ZC3H12B: variants seen among roughly 807,000 people sequenced by gnomAD.
The protein encoded by ZC3H12B is probable ribonuclease ZC3H12B.
In ZC3H12B, 7 loss-of-function variants were observed where a neutral mutation model predicts 43.9. The observed-to-expected ratio is 0.16, with a 90% CI of 0.09 to 0.30. The LOEUF is 0.30. Among genes scored for constraint, ZC3H12B ranks in the 10% least tolerant of loss-of-function variants. ZC3H12B has a pLI of 1.00. For missense variants in ZC3H12B, 475 were observed against 670.2 expected (o/e 0.71, Z 3.22); for synonymous variants, 222 against 241.7 (o/e 0.92, Z 0.76).
the ZC3H12B span, among the ~76,000 whole-genome samples, chrX:65,263,504 T>A: frequency 3.6e-5 from 4 of 111,108 alleles, no homozygotes; most frequent in South Asian, 1.5e-3. Flanking sequence ...CATGGTTACA[T>A]GAGAAATAGT....
chrX:65,380,844 A>T (rs868189580), intron 2 of ZC3H12B, among the ~76,000 whole-genome samples: 19 of 111,915 alleles, frequency 1.7e-4, no homozygotes, highest in Admixed American at 1.6e-3. Context: ...ACAAAGATCA[A>T]AAGAGACTAA....
At chrX:65,282,365 A>G in the ZC3H12B span, among the ~76,000 whole-genome samples, 1 of 112,133 alleles carries the variant, frequency 8.9e-6, no homozygotes, top group Non-Finnish European at 1.9e-5. Flanking sequence ...CTAAAATCAT[A>G]AAGATGGAAA....
the ZC3H12B span, among the ~76,000 whole-genome samples, chrX:65,300,169 G>A: frequency 8.9e-6 from 1 of 112,102 alleles, no homozygotes. Flanking sequence ...ATGGGGGAAG[G>A]GTGAATGGGG....
At chrX:65,243,965 G>T in the ZC3H12B span, among the ~76,000 whole-genome samples, 3 of 111,624 alleles carry the variant, frequency 2.7e-5, no homozygotes, top group African/African-American at 9.8e-5. Context: ...CCTACCATAG[G>T]CTGGAAATAG....
chrX:65,253,024 A>G, the ZC3H12B span, among the ~76,000 whole-genome samples: 1 of 112,418 alleles, frequency 8.9e-6, no homozygotes, highest in African/African-American at 3.2e-5. Context: ...TTTTTGTAGC[A>G]AGAAACTAAT....
chrX:65,385,288 A>G (rs1421445171), intron 2 of ZC3H12B, among the ~76,000 whole-genome samples: 2 of 111,876 alleles, frequency 1.8e-5, no homozygotes, highest in African/African-American at 6.5e-5. Flanking sequence ...TGAGCATGGA[A>G]TGTTCTTCCA....
chrX:65,392,047 G>A (rs2148032937), intron 2 of ZC3H12B, among the ~76,000 whole-genome samples: 1 of 111,763 alleles, frequency 8.9e-6, no homozygotes, highest in African/African-American at 3.2e-5. Flanking sequence ...GATTGCAGAT[G>A]GAGTCTCGCT....
chrX:65,075,195 T>G, the ZC3H12B span, among the ~76,000 whole-genome samples: 2 of 112,508 alleles, frequency 1.8e-5, no homozygotes, highest in African/African-American at 6.5e-5. Context: ...TTAAAGAGAT[T>G]TATTAGTTCA....
chrX:65,228,049 T>C, the ZC3H12B span, among the ~76,000 whole-genome samples: 15,871 of 111,134 alleles, frequency 0.14, 2,740 homozygotes, highest in African/African-American at 0.49. Flanking sequence ...CAGCATCATC[T>C]TGATACTAAA....
chrX:65,206,703 C>A, the ZC3H12B span, among the ~76,000 whole-genome samples: 3 of 111,484 alleles, frequency 2.7e-5, no homozygotes, highest in African/African-American at 9.8e-5. Context: ...GCAACAGAAA[C>A]AATCAGCAGA....
the ZC3H12B span, among the ~76,000 whole-genome samples, chrX:65,280,345 A>G: frequency 1.8e-5 from 2 of 112,514 alleles, no homozygotes; most frequent in East Asian, 2.8e-4. Flanking sequence ...GGTAAAATTC[A>G]TTATCACTTT....
At chrX:65,117,902 T>C in the ZC3H12B span, among the ~76,000 whole-genome samples, 3 of 111,220 alleles carry the variant, frequency 2.7e-5, no homozygotes, top group South Asian at 1.1e-3. Flanking sequence ...GGAGGGTGTG[T>C]TCTGTTCCAT....
intron 3 of ZC3H12B, among the ~76,000 whole-genome samples, chrX:65,441,578 C>A (rs2067301744): frequency 8.9e-6 from 1 of 112,180 alleles, no homozygotes; most frequent in Admixed American, 9.5e-5. Flanking sequence ...CCTGGCTCTG[C>A]TTTCCAGGAA....
chrX:65,456,775 G>A lies in ZC3H12B; in HGVS notation n.408-31871G>A, dbSNP rs1339818866. Among the ~76,000 whole-genome samples the A allele has an allele frequency of 5.8e-4, 63 of 109,095 alleles. 1 individual carries two copies. Among genetic ancestry groups the A allele is most frequent in the African/African-American group, 1.6e-3 (49 of 30,058 alleles). The allele number at this position is 109,095 out of a possible 115,157, so 94.7% of individuals were successfully genotyped here. On this transcript the variant is annotated intron_variant and non_coding_transcript_variant, in intron 3 of 5. Coordinates refer to the ZC3H12B transcript ENST00000617377. ...GGTGCCCAGGCTGGAGTGCAGTGGC[G>A]TGATCTCGGCTCGCTACAACCTCCA...
chrX:65,103,165 C>G, the ZC3H12B span, among the ~76,000 whole-genome samples: 1 of 111,273 alleles, frequency 9.0e-6, no homozygotes, highest in Non-Finnish European at 1.9e-5. Flanking sequence ...TATTTCGTCC[C>G]TTATCTGCAA....
At chrX:65,228,152 G>A in the ZC3H12B span, among the ~76,000 whole-genome samples, 35 of 111,554 alleles carry the variant, frequency 3.1e-4, no homozygotes, top group East Asian at 5.6e-3. Flanking sequence ...CTGGCAAACC[G>A]AATCCAGCAA....
chrX:65,135,701 T>A, the ZC3H12B span, among the ~76,000 whole-genome samples: 1 of 89,276 alleles, frequency 1.1e-5, no homozygotes, highest in Non-Finnish European at 2.0e-5. Context: ...TGGTTAGATA[T>A]TTTTTTTTTT....
the ZC3H12B span, among the ~76,000 whole-genome samples, chrX:65,228,335 A>C: frequency 2.7e-5 from 3 of 111,604 alleles, no homozygotes; most frequent in East Asian, 2.8e-4. Flanking sequence ...ATTCAACAAC[A>C]CTTCATACTA....
chrX:65,139,311 A>G, the ZC3H12B span, among the ~76,000 whole-genome samples: 13 of 112,354 alleles, frequency 1.2e-4, no homozygotes, highest in African/African-American at 3.9e-4. Context: ...GTGTATGGAT[A>G]TGCAATTTTG....
Sources: gnomAD v4.1 joint callset for allele counts (sites outside exome capture counted in the v4.1 genomes callset) on GRCh38, gnomAD v4.1.1 for gene constraint, MANE v1.5 for transcripts, NCBI Gene and HGNC (gene_info 2026-07-23, HGNC 2026-07-21) for gene names.